The following YTHDF3 variants were observed in gnomAD, a reference collection of about 807,000 sequenced individuals.
YTHDF3 encodes YTH N6-methyladenosine RNA binding protein F3.
In YTHDF3, 9 loss-of-function variants were observed where a neutral mutation model predicts 52.5. That is an observed-to-expected ratio of 0.17 (90% CI 0.10 to 0.30). The LOEUF (loss-of-function observed/expected upper bound fraction) is 0.30. Among genes scored for constraint, YTHDF3 ranks in the 10% least tolerant of loss-of-function variants. The pLI, the probability that YTHDF3 is intolerant of heterozygous loss-of-function variation, is 1.00. For synonymous variants in YTHDF3, 274 were observed against 243.3 expected, an observed-to-expected ratio of 1.13 and a Z score of -1.18; for missense variants, 534 against 715.0, an observed-to-expected ratio of 0.75 and a Z score of 2.89.
In YTHDF3 at chr8:63,209,986, GC is replaced by G; in HGVS notation, c.*281del. On this transcript the variant is annotated 3_prime_UTR_variant, in exon 5 of 5. Transcript: ENST00000539294. ...TTTGTAATTATGCATCCTAGCTAAG[GC>G]ACAGAAGACTGAATGAATGCAAGGA... 1 of 333,720 alleles carries G rather than the reference GC, an allele frequency of 3.0e-6. No homozygotes were observed. 20.7% of individuals were successfully genotyped at this position (333,720 alleles called of 1,614,324 possible). A position where few individuals can be genotyped will look rare whatever the true frequency, so the allele number is the denominator to read the frequency against.
chr8:63,205,301 C>T (rs1713670493), intron 4 of YTHDF3, among the ~76,000 whole-genome samples: 1 of 152,032 alleles, frequency 6.6e-6, no homozygotes, highest in Non-Finnish European at 1.5e-5. Context: ...ATTCAGGTTT[C>T]CTTTATCCTC....
At chr8:63,188,130 A>C (rs1418968647) in intron 4 of YTHDF3, among the ~76,000 whole-genome samples, 1 of 151,940 alleles carries the variant, frequency 6.6e-6, no homozygotes, top group Non-Finnish European at 1.5e-5. Flanking sequence ...AGTTTGAAAC[A>C]ACTTTTTTTT....
chr8:63,173,200 A>ATTTT (rs1563391630), intron 2 of YTHDF3, among the ~76,000 whole-genome samples: 1 of 143,276 alleles, frequency 7.0e-6, no homozygotes, highest in African/African-American at 2.8e-5. Context: ...ACAGGATTAT[A>ATTTT]TTTATATATA....
rs1205603326 is a variant in YTHDF3 at position 63,186,416 on chromosome 8, A to G, written c.405A>G (p.Thr135=). 1.2e-6 allele frequency: 2 copies of G among 1,614,022 alleles called. No homozygotes were observed. Among genetic ancestry groups the G allele is most frequent in the East Asian group, 2.2e-5 (1 of 44,890 alleles). ...NFFPGNADFS[T]WGTSGSQGQS... ...TTCCTGGTAATGCTGATTTCTCTAC[A>G]TGGGGGACAAGTGGATCTCAGGGAC... The change falls in exon 4 of 5, where the codon ACA becomes ACG. Residue 135 remains threonine, a synonymous_variant. Transcript: ENST00000539294.
At chr8:63,178,771 C>T (rs186896500) in intron 3 of YTHDF3, among the ~76,000 whole-genome samples, 3 of 152,148 alleles carry the variant, frequency 2.0e-5, no homozygotes, top group Middle Eastern at 3.4e-3. Flanking sequence ...AAAGGTAAGT[C>T]GTATGAGAAT....
rs1810339027 is a variant in YTHDF3, at chr8:63,210,935, G to A, written c.*1229G>A. On this transcript the variant is annotated 3_prime_UTR_variant, in exon 5 of 5. Coordinates refer to ENST00000539294, the MANE Select transcript of YTHDF3 (RefSeq NM_152758.6). ...AAGCATCTGTATTAATTGATTTGAT[G>A]GCATAAGGTTATGAAAATAATGTAC... 6.6e-6 allele frequency: 1 copy of A among 152,460 alleles called. No homozygotes were observed. Among genetic ancestry groups the A allele is most frequent in the Non-Finnish European group, 1.5e-5 (1 of 67,972 alleles). 9.4% of individuals were successfully genotyped at this position (152,460 alleles called of 1,614,324 possible). A position where few individuals can be genotyped will look rare whatever the true frequency, so the allele number is the denominator to read the frequency against.
intron 4 of YTHDF3, among the ~76,000 whole-genome samples, chr8:63,201,536 T>G (rs1389017771): frequency 1.3e-5 from 2 of 152,212 alleles, no homozygotes; most frequent in Non-Finnish European, 2.9e-5. Context: ...TACCAGATGT[T>G]GAGTTAATCA....
chr8:63,169,364 G>A (rs1807124586), intron 1 of YTHDF3, 23 bp from the exon 2 acceptor site: 2 of 1,596,770 alleles, frequency 1.3e-6, no homozygotes, highest in African/African-American at 1.3e-5. Flanking sequence ...CCTCTTTACC[G>A]CATCTTTCGT....
rs750218991 is a variant in YTHDF3 at position 63,202,049 on chromosome 8, C to T, written c.1735-7634C>T. The stretch of plus-strand genomic sequence containing the variant: ...TCAACAGATAAATAATAAAGGGTAC[C>T]GTAAGCCACCAAAGATAAATGACCC... On this transcript the variant is annotated intron_variant, in intron 4 of 4. Coordinates refer to ENST00000539294, the MANE Select transcript of YTHDF3 (RefSeq NM_152758.6). 5.3e-5 allele frequency among the ~76,000 whole-genome samples: 8 copies of T among 152,192 alleles called. No individual in the cohort carries two copies. The East Asian group carries it at 7.7e-4, about 15-fold the overall frequency.
intron 3 of YTHDF3, among the ~76,000 whole-genome samples, chr8:63,181,567 C>A (rs1563397957): frequency 6.6e-6 from 1 of 152,198 alleles, no homozygotes; most frequent in Non-Finnish European, 1.5e-5. Flanking sequence ...GACGTGTACA[C>A]ACACCTATGG....
rs374044131 is a variant in YTHDF3 at position 63,208,858 on chromosome 8, TTTG to T, written c.1735-800_1735-798del. 8.6e-4 allele frequency among the ~76,000 whole-genome samples: 130 copies of T among 151,912 alleles called. 1 individual carries two copies. Among genetic ancestry groups the T allele is most frequent in the East Asian group, 4.1e-3 (21 of 5,178 alleles). On this transcript the variant is annotated intron_variant, in intron 4 of 4. Coordinates refer to ENST00000539294, the MANE Select transcript of YTHDF3 (RefSeq NM_152758.6). ...CTGAATTTGTCTAACACTCATCTTTTTTGTTGTTGTTGTTGTTGTTGTTGTTGA... is the reference window on the plus strand; with the variant it reads ...CTGAATTTGTCTAACACTCATCTTTTTTGTTGTTGTTGTTGTTGTTGTTGA...
intron 2 of YTHDF3, chr8:63,172,837 C>T (rs921682296): frequency 8.2e-7 from 1 of 1,226,988 alleles, no homozygotes; most frequent in African/African-American, 1.6e-5. Context: ...AGAAATTTTA[C>T]AGACTATGGA....
At chr8:63,184,845 G>A (rs1057248753) in intron 3 of YTHDF3, among the ~76,000 whole-genome samples, 2 of 152,036 alleles carry the variant, frequency 1.3e-5, no homozygotes, top group African/African-American at 2.4e-5. Flanking sequence ...AGCTCTGTGC[G>A]GTGCTTTAAA....
chr8:63,178,345 A>G (rs1056801370), intron 3 of YTHDF3, among the ~76,000 whole-genome samples: 1 of 152,078 alleles, frequency 6.6e-6, no homozygotes, highest in Non-Finnish European at 1.5e-5. Flanking sequence ...TCTGTTCTAT[A>G]TATTGGAATT....
intron 4 of YTHDF3, among the ~76,000 whole-genome samples, chr8:63,203,483 AAAT>A (rs1463199215): frequency 6.6e-6 from 1 of 152,202 alleles, no homozygotes; most frequent in Non-Finnish European, 1.5e-5. Flanking sequence ...CTTTATTTTG[AAAT>A]AATTTTATAT....
chr8:63,183,663 A>G (rs972064369), intron 3 of YTHDF3, among the ~76,000 whole-genome samples: 15 of 152,334 alleles, frequency 9.8e-5, no homozygotes, highest in African/African-American at 3.6e-4. Flanking sequence ...CTATATTTGC[A>G]GTTAGAGTTA....
At chr8:63,169,323 T>G in intron 1 of YTHDF3, 64 bp from the exon 2 acceptor site, 5 of 1,551,252 alleles carry the variant, frequency 3.2e-6, no homozygotes. Flanking sequence ...ATGCCTTTGA[T>G]TAACACACTT....
At chr8:63,198,710 GTTATAC>G (rs780030125) in intron 4 of YTHDF3, among the ~76,000 whole-genome samples, 2 of 152,182 alleles carry the variant, frequency 1.3e-5, no homozygotes, top group African/African-American at 4.8e-5. Context: ...TTCAAAAATA[GTTATAC>G]TTATGACAAC....
chr8:63,212,494 T>C lies in YTHDF3; in HGVS notation c.*2788T>C, dbSNP rs2057990460. 6.6e-6 allele frequency: 1 copy of C among 152,654 alleles called. No individual in the cohort carries two copies. The highest frequency in any genetic ancestry group is 2.4e-5 in the African/African-American group (1 of 41,460). 9.5% of individuals were successfully genotyped at this position (152,654 alleles called of 1,614,324 possible). On this transcript the variant is annotated 3_prime_UTR_variant, in exon 5 of 5. Transcript: ENST00000539294. ...CATTTCAAGTGCATTCTGCATCCTT[T>C]AAAAATAAGTTTAAGAAATTTAAGA...
Sources: allele counts gnomAD v4.1 joint callset (sites outside exome capture counted in the v4.1 genomes callset), GRCh38; gene constraint gnomAD v4.1.1; transcripts MANE v1.5; gene names NCBI Gene and HGNC (gene_info 2026-07-23, HGNC 2026-07-21).